Variants in KIF13A observed in about 807,000 individuals in gnomAD.
KIF13A encodes kinesin family member 13A.
KIF13A carries 79 observed loss-of-function variants against 212.2 expected under a neutral mutation model. The observed-to-expected ratio is 0.37, with a 90% CI of 0.31 to 0.45. KIF13A has a LOEUF of 0.45. Among genes scored for constraint, KIF13A ranks in the 20% least tolerant of loss-of-function variants. The probability of loss-of-function intolerance (pLI) is 1.00; values close to 1 mark genes in which losing one functional copy is unlikely to be tolerated. For missense variants in KIF13A, 1,901 were observed against 2,209.0 expected (o/e 0.86, Z 2.79); for synonymous variants, 789 against 808.6 (o/e 0.98, Z 0.41).
In KIF13A at chr6:17,787,088, T is replaced by C. The variant is rs1324803004; in HGVS notation, c.3361+688A>G. The stretch of plus-strand genomic sequence containing the variant: ...TGCATGGCAATGGCCCAACAGTGGA[T>C]AGGTGCTGACCTGCTAAGCGGTTTG... On this transcript the variant is annotated intron_variant, in intron 27 of 38. Transcript: ENST00000259711. This position sits in a 1 kb window ranked among gnomAD's most constrained non-coding sequence, Gnocchi z 4.6. Among the ~76,000 whole-genome samples the C allele has an allele frequency of 6.6e-6, 1 of 152,338 alleles. No individual in the cohort carries two copies. Among genetic ancestry groups the C allele is most frequent in the Admixed American group, 6.5e-5 (1 of 15,306 alleles).
chr6:17,836,244 C>T (rs941724545), intron 11 of KIF13A, among the ~76,000 whole-genome samples: 4 of 152,166 alleles, frequency 2.6e-5, no homozygotes, highest in East Asian at 1.9e-4. Context: ...TCTTTGATCA[C>T]GCCGTTTCCA....
Position 17,834,121 on chromosome 6 carries a change from A to G in KIF13A, c.1156-50T>C, listed in dbSNP as rs1765713657. 8.9e-7 allele frequency: 1 copy of G among 1,126,712 alleles called. No homozygotes were observed. The highest frequency in any genetic ancestry group is 1.6e-5 in the African/African-American group (1 of 63,740). 69.8% of individuals were successfully genotyped at this position (1,126,712 alleles called of 1,614,324 possible). A position where few individuals can be genotyped will look rare whatever the true frequency, so the allele number is the denominator to read the frequency against. On this transcript the variant is annotated intron_variant, in intron 11 of 38. Transcript: ENST00000259711. The surrounding 1 kb of genome is among the most constrained non-coding windows in gnomAD (Gnocchi z 4.0). Reference sequence around the variant, plus strand: ...TGATGTTCAAAATTTTTCCACCATCATATACAAGACAATCAGTTACTGTCC... The same window carrying G: ...TGATGTTCAAAATTTTTCCACCATCGTATACAAGACAATCAGTTACTGTCC...
intron 2 of KIF13A, among the ~76,000 whole-genome samples, chr6:17,943,817 T>C (rs1161741733): frequency 2.0e-5 from 3 of 152,166 alleles, no homozygotes; most frequent in Non-Finnish European, 4.4e-5. Flanking sequence ...GGGATGTCCA[T>C]GGTCAACGAA....
intron 20 of KIF13A, among the ~76,000 whole-genome samples, chr6:17,802,871 G>GTAGC (rs1762581844): frequency 6.6e-6 from 1 of 151,782 alleles, no homozygotes; most frequent in South Asian, 2.1e-4. Flanking sequence ...AGCCTCCTGA[G>GTAGC]TAGCTGGTGG....
intron 3 of KIF13A, among the ~76,000 whole-genome samples, chr6:17,896,969 T>C (rs1199801951): frequency 2.0e-5 from 3 of 152,250 alleles, no homozygotes; most frequent in Non-Finnish European, 4.4e-5. Context: ...TTAGGGATTA[T>C]ATCTACGTCG....
Position 17,837,732 on chromosome 6 carries a change from A to C in KIF13A, c.831-149T>G. 1 of 599,182 alleles carries C rather than the reference A, an allele frequency of 1.7e-6. No individual in the cohort carries two copies. Among genetic ancestry groups the C allele is most frequent in the Non-Finnish European group, 2.9e-6 (1 of 340,290 alleles). 37.1% of individuals were successfully genotyped at this position (599,182 alleles called of 1,614,324 possible). The stretch of plus-strand genomic sequence containing the variant: ...TTTGGGAGGCCAAGGTGGATGAATC[A>C]CTTGAGGCCAGGGGTTTGAGACCAC... On this transcript the variant is annotated intron_variant, in intron 9 of 38. Transcript: ENST00000259711. The surrounding 1 kb of genome is among the most constrained non-coding windows in gnomAD (Gnocchi z 5.4).
intron 2 of KIF13A, among the ~76,000 whole-genome samples, chr6:17,979,007 G>A (rs1780827578): frequency 6.6e-6 from 1 of 152,164 alleles, no homozygotes. Flanking sequence ...TTTTCCAGCT[G>A]GGTATGGTGG....
downstream of KIF13A, among the ~76,000 whole-genome samples, chr6:17,763,425 G>A (rs141997916): frequency 3.3e-3 from 468 of 143,836 alleles, 7 homozygotes; most frequent in African/African-American, 0.011. Context: ...AGCCAAGATC[G>A]TGTCACTGCA....
At position 17,906,804 on chromosome 6, in the gene KIF13A, C is replaced by T. The variant is rs376239075; in HGVS notation, c.147-8624G>A. Among the ~76,000 whole-genome samples, 17 of 152,168 alleles carry T rather than the reference C, an allele frequency of 1.1e-4. No homozygotes were observed. The East Asian group carries it at 1.4e-3, about 12-fold the overall frequency. ...TCTTGCAGTTGGTGAGGGGAAGCTA[C>T]GGTTCCATGAGAATACCTGGTAGGG... On this transcript the variant is annotated intron_variant, in intron 2 of 38. Transcript: ENST00000259711.
rs1052404177 is a variant in KIF13A at position 17,801,317 on chromosome 6, C to A, written c.2455-1204G>T. Among the ~76,000 whole-genome samples the A allele has an allele frequency of 3.9e-5, 6 of 151,912 alleles. No individual in the cohort carries two copies. The South Asian group carries it at 1.0e-3, about 26-fold the overall frequency. The stretch of plus-strand genomic sequence containing the variant: ...GAGCAGCCTGGCCAACATGATGAAA[C>A]CCTGTCTCTACTAAAAATACAAATA... On this transcript the variant is annotated intron_variant, in intron 20 of 38. Transcript: ENST00000259711.
intron 20 of KIF13A, among the ~76,000 whole-genome samples, chr6:17,801,196 G>C (rs933230034): frequency 1.3e-5 from 2 of 151,386 alleles, no homozygotes; most frequent in Non-Finnish European, 2.9e-5. Context: ...AGACAGAGAA[G>C]TAACTCACTA....
intron 2 of KIF13A, among the ~76,000 whole-genome samples, chr6:17,985,632 C>CGGGGGGGGGG (rs1554128614): frequency 2.6e-5 from 1 of 38,192 alleles, no homozygotes. Flanking sequence ...ATGCAGTTTG[C>CGGGGGGGGGG]GGGGGGGTGG....
downstream of KIF13A, chr6:17,759,317 T>G (rs1758488385): frequency 6.6e-6 from 1 of 152,088 alleles, no homozygotes; most frequent in Non-Finnish European, 1.5e-5. Flanking sequence ...TGTGTACCAA[T>G]TAAACACAAT....
chr6:17,981,510 C>T (rs1014393859), intron 2 of KIF13A, among the ~76,000 whole-genome samples: 5 of 150,050 alleles, frequency 3.3e-5, no homozygotes, highest in Admixed American at 6.7e-5. Context: ...CTGCCACCTA[C>T]GCCTCCCGGG....
intron 20 of KIF13A, among the ~76,000 whole-genome samples, chr6:17,802,784 C>T (rs900229125): frequency 2.6e-4 from 40 of 152,108 alleles, no homozygotes; most frequent in African/African-American, 8.2e-4. Context: ...GCTCTGTTGT[C>T]CAGGCTGGGG....
rs1357291936 is a variant in KIF13A, at chr6:17,883,950, C to CA, written c.160-10514dup. Among the ~76,000 whole-genome samples the CA allele has an allele frequency of 1.3e-5, 2 of 151,578 alleles. No homozygotes were observed. Among genetic ancestry groups the CA allele is most frequent in the East Asian group, 1.9e-4 (1 of 5,184 alleles). ...TGCTAAAAGGAAATAATAATATTAA[C>CA]AAAAAAAGAGAAGGAAATCATAATA... On this transcript the variant is annotated intron_variant, in intron 3 of 38. Transcript: ENST00000259711. This position sits in a 1 kb window ranked among gnomAD's most constrained non-coding sequence, Gnocchi z 4.8.
intron 3 of KIF13A, among the ~76,000 whole-genome samples, chr6:17,887,694 A>G (rs1771669933): frequency 6.6e-6 from 1 of 151,826 alleles, no homozygotes; most frequent in Admixed American, 6.6e-5. Flanking sequence ...CTTTACATAC[A>G]TCTTGATTCT....
chr6:17,951,449 A>C lies in KIF13A; in HGVS notation c.146+35605T>G, dbSNP rs979737793. The C allele has an allele frequency of 2.1e-5, 12 of 571,484 alleles. No homozygotes were observed. The highest frequency in any genetic ancestry group is 1.2e-4 in the African/African-American group (6 of 51,976). 35.4% of individuals were successfully genotyped at this position (571,484 alleles called of 1,614,324 possible). On this transcript the variant is annotated intron_variant, in intron 2 of 38. Transcript: ENST00000259711. This position sits in a 1 kb window ranked among gnomAD's most constrained non-coding sequence, Gnocchi z 4.9. ...ACCAGCCTCAATTTAAAAAAAAAAA[A>C]AAAACAGCTTTAAGATATAATTTAT...
In KIF13A at chr6:17,918,849, T is replaced by A. The variant is rs1292747823; in HGVS notation, c.147-20669A>T. 1.3e-5 allele frequency among the ~76,000 whole-genome samples: 2 copies of A among 152,198 alleles called. No individual in the cohort carries two copies. Among genetic ancestry groups the A allele is most frequent in the African/African-American group, 4.8e-5 (2 of 41,446 alleles). ...CAGTCTCCTATCACTGTGCTTTGTT[T>A]CCTTCTCAGCACCTTTCGCCATGTT... On this transcript the variant is annotated intron_variant, in intron 2 of 38. Transcript: ENST00000259711. The surrounding 1 kb of genome is among the most constrained non-coding windows in gnomAD (Gnocchi z 4.8).
Sources: gnomAD v4.1 joint callset for allele counts (sites outside exome capture counted in the v4.1 genomes callset) on GRCh38, gnomAD v4.1.1 for gene constraint, Gnocchi (gnomAD v3.1) non-coding constraint, MANE v1.5 for transcripts, NCBI Gene and HGNC (gene_info 2026-07-23, HGNC 2026-07-21) for gene names.